TUSC3: variants seen among roughly 807,000 people sequenced by gnomAD.
TUSC3 encodes the protein tumor suppressor candidate 3.
Under a neutral mutation model 44.8 loss-of-function variants are expected in TUSC3, and 45 were observed. The observed-to-expected ratio is 1.00, with a 90% CI of 0.79 to 1.29. The LOEUF (loss-of-function observed/expected upper bound fraction) is 1.29, where lower values mean the gene tolerates loss of function less well. TUSC3 is among the 50% of genes most tolerant of loss of function. The pLI is 0.00. For missense variants in TUSC3, 519 were observed against 437.9 expected (o/e 1.19, Z -1.65); for synonymous variants, 212 against 152.9 (o/e 1.39, Z -2.85).
chr8:15,433,443 T>C (rs1799903568), intron 1 of TUSC3, among the ~76,000 whole-genome samples: 2 of 152,136 alleles, frequency 1.3e-5, no homozygotes, highest in African/African-American at 4.8e-5. Flanking sequence ...TTGACAAATG[T>C]ATGTCATGGA....
At chr8:15,474,441 C>T (rs1800547771) in intron 1 of TUSC3, among the ~76,000 whole-genome samples, 1 of 152,146 alleles carries the variant, frequency 6.6e-6, no homozygotes, top group Non-Finnish European at 1.5e-5. Flanking sequence ...TCCATGAAAT[C>T]TTCACAATTT....
At chr8:15,688,866 T>A (rs373644162) in intron 6 of TUSC3, 3 of 156,820 alleles carry the variant, frequency 1.9e-5, no homozygotes, top group Non-Finnish European at 4.3e-5. Context: ...TTTCACTAGG[T>A]AGGATTAAGA....
chr8:15,847,811 A>G, the TUSC3 span, among the ~76,000 whole-genome samples: 1 of 152,136 alleles, frequency 6.6e-6, no homozygotes, highest in Non-Finnish European at 1.5e-5. Context: ...TGTATCTAAC[A>G]CAAGACCTGG....
chr8:15,484,529 A>T (rs893598013), intron 2 of TUSC3, among the ~76,000 whole-genome samples: 1 of 152,266 alleles, frequency 6.6e-6, no homozygotes, highest in African/African-American at 2.4e-5. Context: ...ACATCTAAGT[A>T]TTCAGAAAAT....
the TUSC3 span, among the ~76,000 whole-genome samples, chr8:15,828,368 C>A: frequency 1.9e-3 from 292 of 152,232 alleles, 3 homozygotes; most frequent in African/African-American, 6.6e-3. Context: ...CTGTAGGTGA[C>A]CATAAACTCT....
At chr8:15,770,365 G>A (rs931020328), downstream of TUSC3, among the ~76,000 whole-genome samples, 2 of 152,024 alleles carry the variant, frequency 1.3e-5, no homozygotes, top group South Asian at 2.1e-4. Flanking sequence ...CAGTGAGAAC[G>A]CATGGACACA....
the TUSC3 span, among the ~76,000 whole-genome samples, chr8:15,840,494 G>A: frequency 2.6e-5 from 4 of 152,094 alleles, no homozygotes; most frequent in Non-Finnish European, 4.4e-5. Flanking sequence ...TAGGAGTAAA[G>A]AGCCTAGAAA....
Position 15,766,181 on chromosome 8 carries a change from T to G in TUSC3, c.*2025T>G, listed in dbSNP as rs892720345. Reference sequence around the variant, plus strand: ...TATTTTTTTTTCAGAATTTCATGCTTTAAAAAGCTGTGGCTTCTCTATAGA... The same window carrying G: ...TATTTTTTTTTCAGAATTTCATGCTGTAAAAAGCTGTGGCTTCTCTATAGA... On this transcript the variant is annotated 3_prime_UTR_variant, in exon 11 of 11. Coordinates refer to ENST00000503731, the MANE Select transcript of TUSC3 (RefSeq NM_006765.4). 1.3e-5 allele frequency: 2 copies of G among 152,068 alleles called. No individual in the cohort carries two copies. The highest frequency in any genetic ancestry group is 2.9e-5 in the Non-Finnish European group (2 of 67,982). The allele number at this position is 152,068 out of a possible 1,614,324, so 9.4% of individuals were successfully genotyped here.
At chr8:15,419,381 G>A (rs1799710384) in intron 1 of TUSC3, among the ~76,000 whole-genome samples, 1 of 152,182 alleles carries the variant, frequency 6.6e-6, no homozygotes, top group African/African-American at 2.4e-5. Context: ...TTTGAGTTCA[G>A]TATATCTTAT....
At chr8:15,527,472 C>T (rs765846741) in intron 2 of TUSC3, among the ~76,000 whole-genome samples, 5 of 152,210 alleles carry the variant, frequency 3.3e-5, no homozygotes, top group African/African-American at 7.2e-5. Flanking sequence ...CTGCCCCGGC[C>T]TCCCAAAGTG....
At chr8:15,813,511 C>A in the TUSC3 span, among the ~76,000 whole-genome samples, 8 of 151,142 alleles carry the variant, frequency 5.3e-5, no homozygotes, top group East Asian at 1.5e-3. Context: ...ACGAGGTAAT[C>A]ATAACCACCT....
At chr8:15,820,240 G>C in the TUSC3 span, among the ~76,000 whole-genome samples, 1 of 150,838 alleles carries the variant, frequency 6.6e-6, no homozygotes, top group Non-Finnish European at 1.5e-5. Context: ...ATATATTGTT[G>C]GATTCAACTT....
intron 6 of TUSC3, among the ~76,000 whole-genome samples, chr8:15,712,295 T>C (rs1167984715): frequency 1.3e-5 from 2 of 152,148 alleles, no homozygotes; most frequent in South Asian, 2.1e-4. Context: ...GTTGATTCTT[T>C]TAGCAAACTA....
chr8:15,628,434 G>T (rs1328927845), intron 2 of TUSC3, among the ~76,000 whole-genome samples: 2 of 151,822 alleles, frequency 1.3e-5, no homozygotes, highest in African/African-American at 4.8e-5. Context: ...TCATTTATTT[G>T]CTTTTTATTT....
intron 1 of TUSC3, among the ~76,000 whole-genome samples, chr8:15,575,867 T>C (rs1803080752): frequency 6.6e-6 from 1 of 152,092 alleles, no homozygotes; most frequent in African/African-American, 2.4e-5. Flanking sequence ...GCTTTAAAAA[T>C]TGCTTCCATG....
chr8:15,778,099 C>CAAAAA, the TUSC3 span, among the ~76,000 whole-genome samples: 295 of 134,702 alleles, frequency 2.2e-3, 2 homozygotes, highest in African/African-American at 7.6e-3. Flanking sequence ...CACTTTAAGG[C>CAAAAA]AAAAAAAAAA....
intron 6 of TUSC3, among the ~76,000 whole-genome samples, chr8:15,676,884 G>A (rs2129184370): frequency 6.6e-6 from 1 of 152,136 alleles, no homozygotes; most frequent in East Asian, 1.9e-4. Context: ...TTCTTTTTCT[G>A]CAAAAAGGAG....
intron 1 of TUSC3, among the ~76,000 whole-genome samples, chr8:15,430,929 A>C (rs1799865999): frequency 6.6e-6 from 1 of 151,652 alleles, no homozygotes; most frequent in African/African-American, 2.4e-5. Context: ...TCCCCATTGT[A>C]ATTATTGTTG....
rs1412189249 is a variant in TUSC3 at position 15,577,988 on chromosome 8, C to A, written c.138+37420C>A. ...ATTTGTTTGTATCCTCTTTTATTTC[C>A]TTGAGCAGTGGTTTGTAGTTCTCCT... On this transcript the variant is annotated intron_variant, in intron 1 of 10. Coordinates refer to ENST00000503731, the MANE Select transcript of TUSC3 (RefSeq NM_006765.4). 5.4e-5 allele frequency among the ~76,000 whole-genome samples: 8 copies of A among 149,178 alleles called. No homozygotes were observed. In the South Asian group the frequency reaches 1.1e-3, roughly 20 times the overall value.
Sources: allele counts gnomAD v4.1 joint callset (sites outside exome capture counted in the v4.1 genomes callset), GRCh38; gene constraint gnomAD v4.1.1; transcripts MANE v1.5; gene names NCBI Gene and HGNC (gene_info 2026-07-23, HGNC 2026-07-21).